KCND2: variants seen among roughly 807,000 people sequenced by gnomAD.
KCND2 encodes the protein A-type voltage-gated potassium channel KCND2.
Under a neutral mutation model 54.4 loss-of-function variants are expected in KCND2, and 16 were observed. The ratio of observed to expected loss-of-function variants is 0.29; its 90% confidence interval spans 0.20 to 0.45. The LOEUF is 0.45. Ranked by LOEUF, KCND2 falls within the 20% of genes least tolerant of loss-of-function variation. The probability of loss-of-function intolerance (pLI) is 1.00; values close to 1 mark genes in which losing one functional copy is unlikely to be tolerated. For missense variants in KCND2, 486 were observed against 824.2 expected (o/e 0.59, Z 5.02); for synonymous variants, 317 against 310.7 (o/e 1.02, Z -0.21).
At chr7:120,577,678 G>A (rs1017166797) in intron 1 of KCND2, among the ~76,000 whole-genome samples, 5 of 152,194 alleles carry the variant, frequency 3.3e-5, no homozygotes, top group South Asian at 2.1e-4. Flanking sequence ...CTCCGCCTCC[G>A]GGGTTCACAC....
intron 1 of KCND2, among the ~76,000 whole-genome samples, chr7:120,522,573 T>C (rs945334814): frequency 6.6e-6 from 1 of 152,208 alleles, no homozygotes; most frequent in East Asian, 1.9e-4. Context: ...ATGATTACCA[T>C]GTAAGTTGTT....
At chr7:120,726,260 G>T (rs963523737) in intron 1 of KCND2, among the ~76,000 whole-genome samples, 3 of 152,098 alleles carry the variant, frequency 2.0e-5, no homozygotes, top group African/African-American at 7.2e-5. Context: ...TCTGCCTATT[G>T]TGAAGTAATA....
At chr7:120,677,962 A>G (rs1792087504) in intron 1 of KCND2, among the ~76,000 whole-genome samples, 3 of 152,046 alleles carry the variant, frequency 2.0e-5, no homozygotes, top group South Asian at 4.1e-4. Flanking sequence ...GTATACTTTA[A>G]TCAATGTTGC....
chr7:120,301,188 A>G (rs1384220211), intron 1 of KCND2, among the ~76,000 whole-genome samples: 1 of 152,170 alleles, frequency 6.6e-6, no homozygotes, highest in East Asian at 1.9e-4. Flanking sequence ...TACAAAAATT[A>G]TCTAATTCAA....
chr7:120,358,349 G>T (rs188748157), intron 1 of KCND2, among the ~76,000 whole-genome samples: 327 of 152,056 alleles, frequency 2.2e-3, no homozygotes, highest in Non-Finnish European at 2.9e-3. Context: ...AGATTTAGGG[G>T]TTTTGTTTTT....
chr7:120,712,156 G>A (rs1228928265), intron 1 of KCND2, among the ~76,000 whole-genome samples: 3 of 132,288 alleles, frequency 2.3e-5, no homozygotes, highest in Non-Finnish European at 3.2e-5. Flanking sequence ...GTCGTGGTAC[G>A]TCTAATTCTT....
intron 1 of KCND2, among the ~76,000 whole-genome samples, chr7:120,418,692 C>T (rs1303034248): frequency 6.6e-6 from 1 of 152,060 alleles, no homozygotes; most frequent in Non-Finnish European, 1.5e-5. Flanking sequence ...TGTCTGACTC[C>T]AATTCACCAA....
At chr7:120,426,916 G>A (rs1584774280) in intron 1 of KCND2, among the ~76,000 whole-genome samples, 1 of 152,048 alleles carries the variant, frequency 6.6e-6, no homozygotes, top group African/African-American at 2.4e-5. Context: ...CACCGCGCCC[G>A]GCCCAACGTA....
intron 1 of KCND2, among the ~76,000 whole-genome samples, chr7:120,340,782 T>A (rs1800228665): frequency 6.6e-6 from 1 of 152,158 alleles, no homozygotes. Flanking sequence ...GGAACTAGTG[T>A]TACTAGCAAT....
intron 1 of KCND2, among the ~76,000 whole-genome samples, chr7:120,287,538 A>C (rs1799364224): frequency 6.6e-6 from 1 of 152,094 alleles, no homozygotes; most frequent in African/African-American, 2.4e-5. Flanking sequence ...TTTTGACTTC[A>C]GCTGGAAGTT....
intron 1 of KCND2, among the ~76,000 whole-genome samples, chr7:120,430,395 C>T (rs1384522387): frequency 6.6e-6 from 1 of 152,028 alleles, no homozygotes; most frequent in East Asian, 1.9e-4. Flanking sequence ...GATAAGACCT[C>T]ACCACTTAAG....
At chr7:120,524,710 A>C (rs1791751866) in intron 1 of KCND2, among the ~76,000 whole-genome samples, 1 of 152,172 alleles carries the variant, frequency 6.6e-6, no homozygotes, top group African/African-American at 2.4e-5. Context: ...GTTAGCTTTT[A>C]ATTATTCTAA....
chr7:120,287,619 G>C (rs567447965), intron 1 of KCND2, among the ~76,000 whole-genome samples: 1 of 152,206 alleles, frequency 6.6e-6, no homozygotes, highest in South Asian at 2.1e-4. Flanking sequence ...AGCAATTTAA[G>C]AGGTGGGTGG....
chr7:120,404,784 A>AATTT (rs950115493), intron 1 of KCND2, among the ~76,000 whole-genome samples: 40 of 1,352 alleles, frequency 0.03, no homozygotes, highest in African/African-American at 0.1. Context: ...GACCTTTGTG[A>AATTT]ATTTGTCTTT....
intron 1 of KCND2, among the ~76,000 whole-genome samples, chr7:120,690,699 C>A (rs1792258075): frequency 6.6e-6 from 1 of 152,174 alleles, no homozygotes; most frequent in Admixed American, 6.6e-5. Context: ...TCACATTGAT[C>A]ATATTGATAA....
At chr7:120,309,013 G>A (rs978296995) in intron 1 of KCND2, among the ~76,000 whole-genome samples, 3 of 152,074 alleles carry the variant, frequency 2.0e-5, no homozygotes, top group African/African-American at 7.2e-5. Context: ...AAATGGCCTG[G>A]GAAATATATG....
chr7:120,650,235 C>T lies in KCND2; in HGVS notation c.1116-82668C>T, dbSNP rs867279581. On this transcript the variant is annotated intron_variant, in intron 1 of 5. Transcript: ENST00000331113. ...TTTTCCAACTTGGTTCCATTCTCCC[C>T]GTCACTTTCAGGTACACCAATCAGC... is the stretch of plus-strand genomic sequence containing the variant. Among the ~76,000 whole-genome samples the T allele has an allele frequency of 6.4e-4, 88 of 138,246 alleles. 23 individuals are homozygous for T. The highest frequency in any genetic ancestry group is 2.1e-3 in the African/African-American group (73 of 34,442). 90.7% of individuals were successfully genotyped at this position (138,246 alleles called of 152,430 possible).
At chr7:120,604,339 TAAAAAAAAAAA>T (rs5886994) in intron 1 of KCND2, among the ~76,000 whole-genome samples, 1 of 123,402 alleles carries the variant, frequency 8.1e-6, no homozygotes, top group African/African-American at 3.2e-5. Flanking sequence ...CCGTCTTTAC[TAAAAAAAAAAA>T]AAAAAAAAGG....
chr7:120,471,214 C>A (rs1264559460), intron 1 of KCND2, among the ~76,000 whole-genome samples: 1 of 151,986 alleles, frequency 6.6e-6, no homozygotes, highest in Non-Finnish European at 1.5e-5. Context: ...ATTATTACTT[C>A]TTGGGGATCA....
Sources: allele counts gnomAD v4.1 joint callset (sites outside exome capture counted in the v4.1 genomes callset), GRCh38; gene constraint gnomAD v4.1.1; transcripts MANE v1.5; gene names NCBI Gene and HGNC (gene_info 2026-07-23, HGNC 2026-07-21).